The following NOL10 variants were observed in gnomAD, a reference collection of about 807,000 sequenced individuals.
NOL10 encodes nucleolar protein 10, also known as H_NH0074G24.1.
Under a neutral mutation model 103.5 loss-of-function variants are expected in NOL10, and 58 were observed. The observed-to-expected ratio is 0.56, with a 90% CI of 0.45 to 0.70. NOL10 has a LOEUF of 0.70. NOL10 is among the 30% of genes least tolerant of loss of function. The probability of loss-of-function intolerance (pLI) is 0.00; values close to 1 mark genes in which losing one functional copy is unlikely to be tolerated. For synonymous variants in NOL10, 287 were observed against 282.5 expected (o/e 1.02, Z -0.16); for missense variants, 763 against 807.3 (o/e 0.95, Z 0.67).
At chr2:10,588,381 G>C (rs1405999889) in intron 19 of NOL10, among the ~76,000 whole-genome samples, 1 of 151,876 alleles carries the variant, frequency 6.6e-6, no homozygotes, top group Non-Finnish European at 1.5e-5. Flanking sequence ...TGAAACACTC[G>C]GCAACCACCA....
chr2:10,656,722 A>G (rs1251969388), intron 11 of NOL10, among the ~76,000 whole-genome samples: 1 of 152,246 alleles, frequency 6.6e-6, no homozygotes, highest in African/African-American at 2.4e-5. Context: ...CGAACTGCTC[A>G]GGCTGGTGGG....
At chr2:10,669,509 T>C (rs1384075271) in intron 6 of NOL10, among the ~76,000 whole-genome samples, 34 of 31,456 alleles carry the variant, frequency 1.1e-3, no homozygotes, top group Middle Eastern at 0.02. Context: ...CACACACACA[T>C]ATATACACAC....
At chr2:10,663,930 G>A (rs573369908) in intron 8 of NOL10, among the ~76,000 whole-genome samples, 19 of 149,124 alleles carry the variant, frequency 1.3e-4, no homozygotes, top group East Asian at 6.0e-4. Flanking sequence ...CAGCCTGGGC[G>A]ACAGAGCGAG....
At chr2:10,656,236 A>T (rs1558328025) in intron 11 of NOL10, among the ~76,000 whole-genome samples, 1 of 152,216 alleles carries the variant, frequency 6.6e-6, no homozygotes, top group Non-Finnish European at 1.5e-5. Context: ...TTTTAACATC[A>T]ATTAGTTTGA....
At chr2:10,603,937 G>C (rs1392835095) in intron 14 of NOL10, among the ~76,000 whole-genome samples, 3 of 152,214 alleles carry the variant, frequency 2.0e-5, no homozygotes, top group Non-Finnish European at 4.4e-5. Flanking sequence ...ATATATGTCA[G>C]TGGTCCCCAA....
rs1438035233 is a variant in NOL10, at chr2:10,589,228, A to G, written c.1659T>C (p.Asp553=). 2 of 1,613,850 alleles carry G rather than the reference A, an allele frequency of 1.2e-6. No homozygotes were observed. The highest frequency in any genetic ancestry group is 1.1e-5 in the South Asian group (1 of 91,072). The change falls in exon 19 of 21, where the codon GAT becomes GAC. Residue 553 remains aspartate, a synonymous_variant. Transcript: ENST00000381685. The part of the protein sequence containing the change: ...SDAESSESSD[D]EKAWVEEVRK... ...TGACCTCTTCAACCCAGGCTTTTTC[A>G]TCATCTGAACTCTCCGAACTTTCTG...
intron 13 of NOL10, among the ~76,000 whole-genome samples, chr2:10,622,496 A>AAAAG (rs144600201): frequency 1.3e-5 from 2 of 148,792 alleles, no homozygotes; most frequent in Admixed American, 6.7e-5. Flanking sequence ...TTCAAAAAAA[A>AAAAG]AGAGAGAAGA....
At chr2:10,613,881 T>A (rs996553877) in intron 13 of NOL10, among the ~76,000 whole-genome samples, 12 of 151,546 alleles carry the variant, frequency 7.9e-5, no homozygotes, top group Non-Finnish European at 1.6e-4. Context: ...GGAACAATAA[T>A]AAAAACAATA....
At chr2:10,679,410 T>C (rs1681563307) in intron 3 of NOL10, among the ~76,000 whole-genome samples, 1 of 151,032 alleles carries the variant, frequency 6.6e-6, no homozygotes, top group Non-Finnish European at 1.5e-5. Context: ...CGAGCACCTA[T>C]ATTTCTAGCC....
intron 19 of NOL10, among the ~76,000 whole-genome samples, chr2:10,581,585 G>C (rs1190826534): frequency 6.6e-6 from 1 of 152,190 alleles, no homozygotes; most frequent in Non-Finnish European, 1.5e-5. Context: ...CCAGCATTTT[G>C]GGAGGCTGAG....
At chr2:10,654,721 T>C (rs1679708735) in intron 11 of NOL10, among the ~76,000 whole-genome samples, 174 bp from the exon 12 acceptor site, 1 of 152,050 alleles carries the variant, frequency 6.6e-6, no homozygotes, top group Admixed American at 6.6e-5. Context: ...TATCAATTTA[T>C]CAAAAAATCC....
intron 3 of NOL10, among the ~76,000 whole-genome samples, chr2:10,680,041 G>A (rs868152748): frequency 3.9e-5 from 6 of 152,164 alleles, no homozygotes; most frequent in South Asian, 4.2e-4. Context: ...TTGGAAGGGC[G>A]AGTTGGGCGG....
intron 17 of NOL10, 144 bp downstream of exon 17, chr2:10,600,709 T>A (rs1675924714): frequency 1.7e-6 from 1 of 587,166 alleles, no homozygotes; most frequent in Non-Finnish European, 3.0e-6. Flanking sequence ...TTTTCCAGAC[T>A]TCCCATCTTA....
At position 10,654,562 on chromosome 2, in the gene NOL10, C is replaced by A. The variant is rs745510760; in HGVS notation, c.907-15G>T. On this transcript the variant is annotated splice_polypyrimidine_tract_variant and intron_variant, in intron 11 of 20. Transcript: ENST00000381685. ...AATATTTTTCCCTAAAAATAGCAAG[C>A]AAAAACGAAGTATTAAAAGTTAAAG... is the stretch of plus-strand genomic sequence containing the variant. 4 of 1,565,602 alleles carry A rather than the reference C, an allele frequency of 2.6e-6. No individual in the cohort carries two copies. The South Asian group carries it at 4.7e-5, about 19-fold the overall frequency.
At chr2:10,660,552 A>C (rs760987712) in intron 9 of NOL10, among the ~76,000 whole-genome samples, 20 of 152,106 alleles carry the variant, frequency 1.3e-4, no homozygotes, top group Non-Finnish European at 2.1e-4. Context: ...TCCTGATCTC[A>C]AGTGATCTGC....
In NOL10 at chr2:10,684,579, T is replaced by G. The variant is rs1198799613; in HGVS notation, c.100A>C (p.Lys34Gln). ...AAACAATACTCACCTACATCTTTCT[T>G]CTGTAGCGCTCTCTTCTTCCTATCA... is the stretch of plus-strand genomic sequence containing the variant. Reference protein sequence around the residue: ...LSDRKKRALQKKDVDVRRRIE... With the variant: ...LSDRKKRALQQKDVDVRRRIE... The change falls in exon 2 of 21, where the codon AAG becomes CAG. Residue 34 changes from lysine (K) to glutamine (Q), a missense_variant. Coordinates refer to ENST00000381685, the MANE Select transcript of NOL10 (RefSeq NM_024894.4). 1 of 1,574,640 alleles carries G rather than the reference T, an allele frequency of 6.4e-7. No homozygotes were observed. The highest frequency in any genetic ancestry group is 8.6e-7 in the Non-Finnish European group (1 of 1,158,296).
At chr2:10,654,694 T>TTAA in intron 11 of NOL10, 147 bp from the exon 12 acceptor site, 1 of 503,586 alleles carries the variant, frequency 2.0e-6, no homozygotes, top group Middle Eastern at 3.6e-4. Flanking sequence ...TTCTTAAAAA[T>TTAA]CTTAGAGAAT....
Position 10,689,933 on chromosome 2 carries a change from C to T in NOL10, c.-72G>A, listed in dbSNP as rs988220433. On this transcript the variant is annotated 5_prime_UTR_variant, in exon 1 of 21. Transcript: ENST00000381685. ...TGCTCGAGCACCGTAATCCCGGGACCTCCGAGCCCCTGCTCCGCGGCGTGC... is the reference window on the plus strand; with the variant it reads ...TGCTCGAGCACCGTAATCCCGGGACTTCCGAGCCCCTGCTCCGCGGCGTGC... The T allele has an allele frequency of 2.8e-6, 4 of 1,416,676 alleles. No homozygotes were observed. In the East Asian group the frequency reaches 7.4e-5, roughly 26 times the overall value. The allele number at this position is 1,416,676 out of a possible 1,614,324, so 87.8% of individuals were successfully genotyped here. A position where few individuals can be genotyped will look rare whatever the true frequency, so the allele number is the denominator to read the frequency against.
At chr2:10,645,972 G>A (rs975261366) in intron 12 of NOL10, among the ~76,000 whole-genome samples, 8 of 122,574 alleles carry the variant, frequency 6.5e-5, no homozygotes, top group Admixed American at 1.7e-4. Flanking sequence ...CACACACCCC[G>A]TAAAAACATC....
Sources: gnomAD v4.1 joint callset for allele counts (sites outside exome capture counted in the v4.1 genomes callset) on GRCh38, gnomAD v4.1.1 for gene constraint, MANE v1.5 for transcripts, NCBI Gene and HGNC (gene_info 2026-07-23, HGNC 2026-07-21) for gene names.